RYR2: variants seen among roughly 807,000 people sequenced by gnomAD.
RYR2 encodes the protein cardiac muscle ryanodine receptor-calcium release channel.
Under a neutral mutation model 601.1 loss-of-function variants are expected in RYR2, and 227 were observed. That is an observed-to-expected ratio of 0.38 (90% CI 0.34 to 0.42). RYR2 has a LOEUF of 0.42. RYR2 is among the 10% of genes least tolerant of loss of function. The pLI, the probability that RYR2 is intolerant of heterozygous loss-of-function variation, is 1.00. For missense variants in RYR2, 4,646 were observed against 6,156.5 expected (o/e 0.75, Z 8.21); for synonymous variants, 2,223 against 2,175.1 (o/e 1.02, Z -0.61).
chr1:237,474,265 ACC>A (rs1200239585), intron 17 of RYR2, among the ~76,000 whole-genome samples: 3 of 118,350 alleles, frequency 2.5e-5, no homozygotes, highest in East Asian at 3.6e-4. Context: ...ATGTATAGAT[ACC>A]TACACACACA....
intron 57 of RYR2, 53 bp downstream of exon 57, chr1:237,666,642 A>G: frequency 7.3e-7 from 1 of 1,373,014 alleles, no homozygotes; most frequent in Non-Finnish European, 1.0e-6. Context: ...TTTAAGAAGC[A>G]TAATGTAATG....
chr1:237,704,553 C>T (rs951698865), intron 66 of RYR2, among the ~76,000 whole-genome samples: 4 of 151,158 alleles, frequency 2.6e-5, no homozygotes, highest in Admixed American at 6.6e-5. Flanking sequence ...TTTTTCAAAC[C>T]CTCTAATTCC....
At chr1:237,742,811 G>A (rs961294572) in intron 80 of RYR2, among the ~76,000 whole-genome samples, 1 of 152,170 alleles carries the variant, frequency 6.6e-6, no homozygotes, top group Non-Finnish European at 1.5e-5. Context: ...GCAGATAGTG[G>A]CACACAACGC....
intron 10 of RYR2, among the ~76,000 whole-genome samples, chr1:237,400,986 A>G (rs1442433348): frequency 6.6e-6 from 1 of 152,176 alleles, no homozygotes; most frequent in African/African-American, 2.4e-5. Context: ...ACCTCAAAGA[A>G]CTGTATCCCT....
intron 1 of RYR2, among the ~76,000 whole-genome samples, chr1:237,151,022 A>T (rs1411935551): frequency 6.6e-6 from 1 of 152,152 alleles, no homozygotes; most frequent in Non-Finnish European, 1.5e-5. Flanking sequence ...CACAGGAGTC[A>T]CTGGAAAAAG....
chr1:237,465,392 A>C (rs928691992), intron 16 of RYR2, among the ~76,000 whole-genome samples: 1 of 152,206 alleles, frequency 6.6e-6, no homozygotes, highest in Non-Finnish European at 1.5e-5. Context: ...TTGGATTTAT[A>C]AGAGTTCCTC....
In RYR2 at chr1:237,383,662, C is replaced by T. The variant is rs548068247; in HGVS notation, c.577-3619C>T. Among the ~76,000 whole-genome samples the T allele has an allele frequency of 7.2e-5, 11 of 152,024 alleles. No individual in the cohort carries two copies. In the East Asian group the frequency reaches 1.2e-3, roughly 16 times the overall value. On this transcript the variant is annotated intron_variant, in intron 8 of 104. Transcript: ENST00000366574. The stretch of plus-strand genomic sequence containing the variant: ...GCCAGGATGGTCTCGATCTCCTGAC[C>T]TCGTGATCTGCCCGCCTTGGCCTCC...
chr1:237,257,213 G>C (rs1435730942), intron 1 of RYR2, among the ~76,000 whole-genome samples: 1 of 152,140 alleles, frequency 6.6e-6, no homozygotes, highest in Non-Finnish European at 1.5e-5. Flanking sequence ...GCCCAGATTT[G>C]TCTCATTCGA....
In RYR2 at chr1:237,680,525, C is replaced by G; in HGVS notation, c.8965C>G (p.Pro2989Ala). The G allele has an allele frequency of 6.3e-7, 1 of 1,598,652 alleles. No homozygotes were observed. Among genetic ancestry groups the G allele is most frequent in the Non-Finnish European group, 8.6e-7 (1 of 1,167,496 alleles). ...ATACTTCTTATCTGCAGCAAGCAGA[C>G]CTCTCTGCTCTGGAGGACATGCTTC... ...RLYFLSAASRPLCSGGHASNK... is the reference protein window; with the variant it reads ...RLYFLSAASRALCSGGHASNK... Residue 2989 changes from proline to alanine, a missense_variant, in exon 62 of 105, where the codon CCT becomes GCT. By Grantham distance (27) the Pro-to-Ala change is conservative. This residue lies in a region of RYR2 where 1,497 missense variants were observed against 1,842.6 expected (regional missense o/e 0.81). Transcript: ENST00000366574.
chr1:237,196,833 A>G (rs1441643576), intron 1 of RYR2, among the ~76,000 whole-genome samples: 1 of 152,178 alleles, frequency 6.6e-6, no homozygotes, highest in African/African-American at 2.4e-5. Context: ...TTGGAATGGC[A>G]TTGAATTTAT....
intron 85 of RYR2, 125 bp downstream of exon 85, chr1:237,771,012 T>A (rs542068440): frequency 2.0e-6 from 1 of 511,138 alleles, no homozygotes; most frequent in Admixed American, 3.3e-5. Flanking sequence ...TTCTAGAGCA[T>A]GACTCTGCAT....
chr1:237,435,046 G>A (rs1707203822), intron 12 of RYR2, among the ~76,000 whole-genome samples: 1 of 152,032 alleles, frequency 6.6e-6, no homozygotes, highest in African/African-American at 2.4e-5. Context: ...AAAATGCTGG[G>A]GTTACCCAGG....
chr1:237,663,586 C>T (rs1684009529), intron 56 of RYR2, among the ~76,000 whole-genome samples: 1 of 152,164 alleles, frequency 6.6e-6, no homozygotes, highest in African/African-American at 2.4e-5. Flanking sequence ...TGGTTAACCT[C>T]TGTATGCTGC....
At chr1:237,473,331 T>C (rs1202599329) in intron 17 of RYR2, among the ~76,000 whole-genome samples, 1 of 151,836 alleles carries the variant, frequency 6.6e-6, no homozygotes. Flanking sequence ...GGCCGAGGCA[T>C]GAGAATCGCT....
At chr1:237,199,486 T>G (rs1419273003) in intron 1 of RYR2, among the ~76,000 whole-genome samples, 2 of 152,218 alleles carry the variant, frequency 1.3e-5, no homozygotes, top group Admixed American at 1.3e-4. Flanking sequence ...GCCAGGAGAC[T>G]CAGCAAGTCT....
chr1:237,609,617 G>A (rs954661602), intron 35 of RYR2, among the ~76,000 whole-genome samples: 7 of 151,668 alleles, frequency 4.6e-5, no homozygotes, highest in South Asian at 2.1e-4. Context: ...CACCTGCCTC[G>A]GCCTCCCAAA....
chr1:237,559,240 A>C (rs906054925), intron 27 of RYR2, among the ~76,000 whole-genome samples: 1 of 152,114 alleles, frequency 6.6e-6, no homozygotes, highest in Non-Finnish European at 1.5e-5. Flanking sequence ...AAAATGTCCA[A>C]ATGTTGCTAA....
intron 1 of RYR2, among the ~76,000 whole-genome samples, chr1:237,093,382 G>A (rs1045949480): frequency 3.9e-5 from 6 of 152,150 alleles, no homozygotes; most frequent in Non-Finnish European, 7.3e-5. Context: ...GAAATAGAGG[G>A]CAGATGATTT....
At chr1:237,402,118 G>A (rs950405181) in intron 10 of RYR2, among the ~76,000 whole-genome samples, 4 of 152,098 alleles carry the variant, frequency 2.6e-5, no homozygotes, top group African/African-American at 9.7e-5. Context: ...TGATTATCTG[G>A]TGGGGTACAG....
Sources: gnomAD v4.1 joint callset for allele counts (sites outside exome capture counted in the v4.1 genomes callset) on GRCh38, gnomAD v4.1.1 for gene constraint, gnomAD v4.1.1 regional missense constraint, MANE v1.5 for transcripts, NCBI Gene and HGNC (gene_info 2026-07-23, HGNC 2026-07-21) for gene names.